PHF20L1: variants seen among roughly 807,000 people sequenced by gnomAD.
PHF20L1 encodes the protein PHD finger protein 20 like 1, also known as PHD finger protein 20-like protein 1.
A neutral mutation model predicts 125.5 loss-of-function variants in PHF20L1; 44 were observed. The observed-to-expected ratio is 0.35, with a 90% CI of 0.28 to 0.45. PHF20L1 has a LOEUF of 0.45. Ranked by LOEUF, PHF20L1 falls within the 20% of genes least tolerant of loss-of-function variation. The probability of loss-of-function intolerance (pLI) is 1.00; values close to 1 mark genes in which losing one functional copy is unlikely to be tolerated. For missense variants in PHF20L1, 1,012 were observed against 1,217.2 expected, an observed-to-expected ratio of 0.83 and a Z score of 2.51; for synonymous variants, 380 against 403.1, an observed-to-expected ratio of 0.94 and a Z score of 0.69.
At chr8:132,779,288 T>G (rs1830166639) in intron 2 of PHF20L1, among the ~76,000 whole-genome samples, 2 of 152,166 alleles carry the variant, frequency 1.3e-5, no homozygotes, top group Non-Finnish European at 2.9e-5. Flanking sequence ...CTCCAGACAT[T>G]GCCAAATGAC....
intron 9 of PHF20L1, 100 bp downstream of exon 9, chr8:132,811,228 G>C: frequency 6.5e-7 from 1 of 1,542,456 alleles, no homozygotes; most frequent in South Asian, 1.2e-5. Context: ...GATCAGATAT[G>C]GGAATAGGAA....
intron 11 of PHF20L1, 56 bp downstream of exon 11, chr8:132,817,132 T>A: frequency 9.0e-7 from 1 of 1,113,278 alleles, no homozygotes; most frequent in Non-Finnish European, 1.3e-6. Context: ...AAGAAAAAAC[T>A]AAGAGATAAA....
Position 132,804,754 on chromosome 8 carries a change from A to AC in PHF20L1, c.847+14_847+15insC. 1 of 1,447,194 alleles carries AC rather than the reference A, an allele frequency of 6.9e-7. No homozygotes were observed. The highest frequency in any genetic ancestry group is 9.3e-7 in the Non-Finnish European group (1 of 1,069,992). The allele number at this position is 1,447,194 out of a possible 1,614,324, so 89.6% of individuals were successfully genotyped here. On this transcript the variant is annotated intron_variant, in intron 8 of 20. Coordinates refer to ENST00000395386, the MANE Select transcript of PHF20L1 (RefSeq NM_016018.5). ...ACAAGATTACTGGTAAACTACAATG[A>AC]TTTTTTTTTTGAGGGGGGGAAATGG...
At chr8:132,783,596 T>C (rs1428252792) in intron 2 of PHF20L1, among the ~76,000 whole-genome samples, 1 of 152,134 alleles carries the variant, frequency 6.6e-6, no homozygotes, top group East Asian at 1.9e-4. Flanking sequence ...GTAGATCAAA[T>C]ATAGCATTGT....
intron 5 of PHF20L1, 115 bp downstream of exon 5, chr8:132,798,975 C>T: frequency 9.5e-7 from 1 of 1,052,794 alleles, no homozygotes; most frequent in Non-Finnish European, 1.4e-6. Context: ...GGGTTATGTG[C>T]TGATAGCCCC....
chr8:132,800,011 T>G (rs2131521215), intron 6 of PHF20L1: 1 of 151,876 alleles, frequency 6.6e-6, no homozygotes, highest in East Asian at 1.9e-4. Context: ...GTTGGGAACA[T>G]TGTATATACC....
intron 12 of PHF20L1, among the ~76,000 whole-genome samples, chr8:132,821,167 G>A (rs1462569970): frequency 6.6e-6 from 1 of 151,838 alleles, no homozygotes; most frequent in African/African-American, 2.4e-5. Context: ...GTCATTCAAA[G>A]TCATCTTAGT....
In PHF20L1 at chr8:132,832,301, C is replaced by T. The variant is rs1406112146; in HGVS notation, c.1811C>T (p.Ser604Phe). Reference sequence around the variant, plus strand: ...AGGTGCTCTTCTCCACTAACTCGATCTTCTGGGAGTTCTCTGGCTTCACGA... The same window carrying T: ...AGGTGCTCTTCTCCACTAACTCGATTTTCTGGGAGTTCTCTGGCTTCACGA... ...LERCSSPLTRSSGSSLASRSM... is the reference protein window; with the variant it reads ...LERCSSPLTRFSGSSLASRSM... The change falls in exon 15 of 21, where the codon TCT becomes TTT. Residue 604 changes from serine to phenylalanine, a missense_variant. Physicochemically the swap from Ser to Phe is radical, Grantham distance 155. Transcript: ENST00000395386. The T allele has an allele frequency of 1.2e-6, 2 of 1,608,678 alleles. No individual in the cohort carries two copies. Among genetic ancestry groups the T allele is most frequent in the Admixed American group, 1.7e-5 (1 of 59,890 alleles).
intron 14 of PHF20L1, among the ~76,000 whole-genome samples, chr8:132,831,960 T>C (rs1187964277): frequency 6.6e-6 from 1 of 152,086 alleles, no homozygotes; most frequent in Non-Finnish European, 1.5e-5. Flanking sequence ...TGTGAAATAA[T>C]CCTTTTTCAC....
chr8:132,833,624 A>G (rs1837021880), intron 15 of PHF20L1, among the ~76,000 whole-genome samples: 1 of 152,104 alleles, frequency 6.6e-6, no homozygotes, highest in Admixed American at 6.5e-5. Flanking sequence ...TGATAATCAC[A>G]TTAAGAACAT....
chr8:132,812,141 A>T, intron 9 of PHF20L1: 1 of 980,620 alleles, frequency 1.0e-6, no homozygotes, highest in Non-Finnish European at 1.2e-6. Context: ...CCAACGGTTA[A>T]GTCTTTGCCG....
At chr8:132,816,438 ATGT>A (rs974862038) in intron 10 of PHF20L1, 2 of 154,554 alleles carry the variant, frequency 1.3e-5, no homozygotes, top group African/African-American at 2.4e-5. Flanking sequence ...TAACTCTATA[ATGT>A]TGTATCATCT....
chr8:132,820,522 G>C (rs1398496945), intron 12 of PHF20L1, among the ~76,000 whole-genome samples: 5 of 151,894 alleles, frequency 3.3e-5, no homozygotes, highest in Non-Finnish European at 7.4e-5. Context: ...CTGAATAGGT[G>C]TAAAGTACTC....
Position 132,817,471 on chromosome 8 carries a change from AAG to A in PHF20L1, c.1508_1509del (p.Glu503GlyfsTer15). The A allele has an allele frequency of 6.2e-7, 1 of 1,612,600 alleles. No homozygotes were observed. Among genetic ancestry groups the A allele is most frequent in the Non-Finnish European group, 8.5e-7 (1 of 1,179,180 alleles). Reference sequence around the variant, plus strand: ...CGTAATGAATGTCCCAGGGCAGAAAAAGAGGATACACAGATGCTTCCAAATCC... The same window carrying A: ...CGTAATGAATGTCCCAGGGCAGAAAAAGGATACACAGATGCTTCCAAATCC... On this transcript the variant is annotated frameshift_variant, in exon 12 of 21. Coordinates refer to ENST00000395386, the MANE Select transcript of PHF20L1 (RefSeq NM_016018.5). LOFTEE classifies it high-confidence loss of function.
chr8:132,798,998 G>A, intron 5 of PHF20L1, 97 bp from the exon 6 acceptor site: 1 of 1,203,718 alleles, frequency 8.3e-7, no homozygotes, highest in Non-Finnish European at 1.2e-6. Flanking sequence ...ATAGCAGCAA[G>A]AAAAGGAAGC....
At position 132,844,204 on chromosome 8, in the gene PHF20L1, A is replaced by G. The variant is rs947594370; in HGVS notation, c.2797A>G (p.Thr933Ala). The G allele has an allele frequency of 8.7e-6, 14 of 1,612,896 alleles. No homozygotes were observed. Among genetic ancestry groups the G allele is most frequent in the Admixed American group, 6.7e-5 (4 of 59,878 alleles). ...TVFVYNDKKG[T>A]EDPGDSHLQW... ...ATTTGTTTATAATGATAAAAAGGGC[A>G]CCGAAGACCCAGGAGACTCACATCT... Residue 933 changes from threonine (T) to alanine (A), a missense_variant, in exon 20 of 21, where the codon ACC becomes GCC. This residue lies in a region of PHF20L1 where 277 missense variants were observed against 283.6 expected (regional missense o/e 0.98). Transcript: ENST00000395386.
At chr8:132,780,259 A>G (rs1830275536) in intron 2 of PHF20L1, among the ~76,000 whole-genome samples, 1 of 152,130 alleles carries the variant, frequency 6.6e-6, no homozygotes, top group Non-Finnish European at 1.5e-5. Context: ...AATTACTAAG[A>G]TGTATTGAAT....
At position 132,846,365 on chromosome 8, in the gene PHF20L1, G is replaced by C. The variant is rs1838420868; in HGVS notation, c.*442G>C. 6.5e-6 allele frequency: 1 copy of C among 153,244 alleles called. No homozygotes were observed. The highest frequency in any genetic ancestry group is 1.9e-4 in the East Asian group (1 of 5,212). The allele number at this position is 153,244 out of a possible 1,614,324, so 9.5% of individuals were successfully genotyped here. A position where few individuals can be genotyped will look rare whatever the true frequency, so the allele number is the denominator to read the frequency against. On this transcript the variant is annotated 3_prime_UTR_variant, in exon 21 of 21. Transcript: ENST00000395386. ...ATTTAAATTCTGGAGAATTCTACAG[G>C]GTTGCTCTAAGAACTGTCTTCTCAG...
At chr8:132,808,108 T>C (rs1245013911) in intron 8 of PHF20L1, 1 of 153,132 alleles carries the variant, frequency 6.5e-6, no homozygotes, top group Non-Finnish European at 1.5e-5. Flanking sequence ...ATTTTATTGT[T>C]TATATTTAAT....
Sources: gnomAD v4.1 joint callset for allele counts (sites outside exome capture counted in the v4.1 genomes callset) on GRCh38, gnomAD v4.1.1 for gene constraint, gnomAD v4.1.1 regional missense constraint, MANE v1.5 for transcripts, NCBI Gene and HGNC (gene_info 2026-07-23, HGNC 2026-07-21) for gene names.